PEX7: variants seen among roughly 807,000 people sequenced by gnomAD.
The protein encoded by PEX7 is peroxisomal biogenesis factor 7.
PEX7 carries 34 observed loss-of-function variants against 47.5 expected under a neutral mutation model. The ratio of observed to expected loss-of-function variants is 0.72; its 90% confidence interval spans 0.54 to 0.95. PEX7 has a LOEUF of 0.95. PEX7 is among the 40% of genes least tolerant of loss of function. PEX7 has a pLI of 0.00. For missense variants in PEX7, 394 were observed against 400.3 expected, an observed-to-expected ratio of 0.98 and a Z score of 0.13; for synonymous variants, 141 against 148.8, an observed-to-expected ratio of 0.95 and a Z score of 0.38.
At chr6:136,824,435 G>A (rs1228934059) in intron 1 of PEX7, among the ~76,000 whole-genome samples, 1 of 152,090 alleles carries the variant, frequency 6.6e-6, no homozygotes, top group Non-Finnish European at 1.5e-5. Context: ...GGAACTGGGT[G>A]CAAGCGATCT....
In PEX7 at chr6:136,847,194, A is replaced by AT. The variant is rs1204350994; in HGVS notation, c.526+1019dup. Among the ~76,000 whole-genome samples the AT allele has an allele frequency of 7.7e-5, 6 of 77,510 alleles. No individual in the cohort carries two copies. The South Asian group carries it at 1.7e-3, about 22-fold the overall frequency. The allele number at this position is 77,510 out of a possible 152,430, so 50.8% of individuals were successfully genotyped here. ...GCCCACTTTTTGATGGGGTTGTTTG[A>AT]TTTTTTCTTGTAAATTTGTTTTTAA... On this transcript the variant is annotated intron_variant, in intron 5 of 9. Coordinates refer to ENST00000318471, the MANE Select transcript of PEX7 (RefSeq NM_000288.4).
chr6:136,835,714 G>GA (rs1383753645), intron 3 of PEX7, among the ~76,000 whole-genome samples: 1 of 152,132 alleles, frequency 6.6e-6, no homozygotes, highest in Non-Finnish European at 1.5e-5. Flanking sequence ...CCTTGACTTG[G>GA]TAAGTGTTCA....
intron 3 of PEX7, among the ~76,000 whole-genome samples, chr6:136,832,845 TATTTGAG>T (rs1774319129): frequency 6.6e-6 from 1 of 152,240 alleles, no homozygotes; most frequent in Non-Finnish European, 1.5e-5. Flanking sequence ...TCGTCATCTC[TATTTGAG>T]ACCACCTCAG....
intron 5 of PEX7, among the ~76,000 whole-genome samples, chr6:136,853,177 G>T (rs1774792012): frequency 6.6e-6 from 1 of 152,216 alleles, no homozygotes; most frequent in African/African-American, 2.4e-5. Context: ...TTAACATATT[G>T]TTTATGGTTG....
chr6:136,882,521 C>A (rs1379468079), intron 8 of PEX7, among the ~76,000 whole-genome samples: 1 of 150,978 alleles, frequency 6.6e-6, no homozygotes, highest in Admixed American at 6.6e-5. Flanking sequence ...CTATTCCCTG[C>A]ACATTCAGCA....
intron 3 of PEX7, among the ~76,000 whole-genome samples, chr6:136,843,309 CAG>C (rs1562733646): frequency 6.6e-6 from 1 of 152,172 alleles, no homozygotes; most frequent in Non-Finnish European, 1.5e-5. Context: ...ATCTGACACT[CAG>C]AGTGTTCAAT....
chr6:136,866,741 G>A lies in PEX7; in HGVS notation c.633+8G>A, dbSNP rs2115216969. On this transcript the variant is annotated splice_region_variant and intron_variant, in intron 6 of 9. Coordinates refer to ENST00000318471, the MANE Select transcript of PEX7 (RefSeq NM_000288.4). ...TGGTGTAAATACAATGAGGTATAGT[G>A]TATGGCTCTATCCTATGCTGCTGTC... 1 of 1,598,132 alleles carries A rather than the reference G, an allele frequency of 6.3e-7. No individual in the cohort carries two copies. Among genetic ancestry groups the A allele is most frequent in the Non-Finnish European group, 8.6e-7 (1 of 1,165,540 alleles).
At chr6:136,850,889 AACT>A (rs1455337522) in intron 5 of PEX7, among the ~76,000 whole-genome samples, 6 of 148,132 alleles carry the variant, frequency 4.1e-5, no homozygotes, top group African/African-American at 1.5e-4. Flanking sequence ...CAAGTTGGCA[AACT>A]ACTGCCCTCA....
Position 136,846,055 on chromosome 6 carries a change from C to A in PEX7, c.418-18C>A, listed in dbSNP as rs747545013. The stretch of plus-strand genomic sequence containing the variant: ...TGAATTTATCCCTCAAGTAATTGAT[C>A]TATTCATTTATTTGTAGTGGGATCC... On this transcript the variant is annotated intron_variant, in intron 4 of 9. Transcript: ENST00000318471. 1 of 1,443,028 alleles carries A rather than the reference C, an allele frequency of 6.9e-7. No individual in the cohort carries two copies. The highest frequency in any genetic ancestry group is 9.8e-7 in the Non-Finnish European group (1 of 1,024,370). The allele number at this position is 1,443,028 out of a possible 1,614,324, so 89.4% of individuals were successfully genotyped here.
At chr6:136,905,427 A>G (rs1436446992) in intron 9 of PEX7, among the ~76,000 whole-genome samples, 1 of 151,796 alleles carries the variant, frequency 6.6e-6, no homozygotes, top group Non-Finnish European at 1.5e-5. Context: ...TCTTGCTTTT[A>G]GTTTCTCAGA....
intron 3 of PEX7, among the ~76,000 whole-genome samples, chr6:136,842,861 G>A (rs1774526528): frequency 6.6e-6 from 1 of 152,200 alleles, no homozygotes. Flanking sequence ...GGACTTATCA[G>A]GGGAGGCTTA....
intron 9 of PEX7, among the ~76,000 whole-genome samples, chr6:136,913,243 CTCAA>C (rs1267822240): frequency 6.6e-6 from 1 of 152,148 alleles, no homozygotes; most frequent in African/African-American, 2.4e-5. Flanking sequence ...TTGGAATATA[CTCAA>C]TCAATGGGAA....
intron 7 of PEX7, 122 bp from the exon 8 acceptor site, chr6:136,872,076 T>G: frequency 3.5e-6 from 3 of 860,046 alleles, no homozygotes; most frequent in Non-Finnish European, 5.4e-6. Flanking sequence ...AAAGCATAAT[T>G]TTAAGTGACA....
Position 136,913,570 on chromosome 6 carries a change from C to A in PEX7, c.*44C>A. The A allele has an allele frequency of 8.3e-7, 1 of 1,200,862 alleles. No individual in the cohort carries two copies. Among genetic ancestry groups the A allele is most frequent in the South Asian group, 1.2e-5 (1 of 82,848 alleles). 74.4% of individuals were successfully genotyped at this position (1,200,862 alleles called of 1,614,324 possible). On this transcript the variant is annotated 3_prime_UTR_variant, in exon 10 of 10. Coordinates refer to ENST00000318471, the MANE Select transcript of PEX7 (RefSeq NM_000288.4). ...GAAACAGAGGATGTTGGCTGAAGAA[C>A]TGCCTAACAGCAAATAAATTAACTA...
At chr6:136,837,609 C>T (rs1203053810) in intron 3 of PEX7, among the ~76,000 whole-genome samples, 1 of 152,084 alleles carries the variant, frequency 6.6e-6, no homozygotes, top group Non-Finnish European at 1.5e-5. Context: ...TTGCCACTAA[C>T]AGGAATAGTG....
At chr6:136,869,013 G>C (rs1009220102) in intron 6 of PEX7, among the ~76,000 whole-genome samples, 4 of 152,100 alleles carry the variant, frequency 2.6e-5, no homozygotes, top group Non-Finnish European at 5.9e-5. Flanking sequence ...CATAGCCTTT[G>C]CTTTTTCAGA....
At chr6:136,887,783 A>G (rs1318507579) in intron 8 of PEX7, among the ~76,000 whole-genome samples, 1 of 152,230 alleles carries the variant, frequency 6.6e-6, no homozygotes, top group East Asian at 1.9e-4. Context: ...ATAAGACCCT[A>G]AAATACCTTC....
intron 2 of PEX7, among the ~76,000 whole-genome samples, chr6:136,826,048 TA>T (rs1774183253): frequency 6.6e-6 from 1 of 152,094 alleles, no homozygotes; most frequent in South Asian, 2.1e-4. Context: ...AATTTAAACA[TA>T]AAAAAATGTG....
Position 136,913,594 on chromosome 6 carries a change from T to C in PEX7, c.*68T>C, listed in dbSNP as rs755481751. The stretch of plus-strand genomic sequence containing the variant: ...ACTGCCTAACAGCAAATAAATTAAC[T>C]ATGGAAAACATAGACATTATGCTTT... On this transcript the variant is annotated 3_prime_UTR_variant, in exon 10 of 10. Coordinates refer to ENST00000318471, the MANE Select transcript of PEX7 (RefSeq NM_000288.4). 106 of 993,474 alleles carry C rather than the reference T, an allele frequency of 1.1e-4. No individual in the cohort carries two copies. Among genetic ancestry groups the C allele is most frequent in the Non-Finnish European group, 1.5e-4 (95 of 616,240 alleles). 61.5% of individuals were successfully genotyped at this position (993,474 alleles called of 1,614,324 possible).
Sources: allele counts gnomAD v4.1 joint callset (sites outside exome capture counted in the v4.1 genomes callset), GRCh38; gene constraint gnomAD v4.1.1; transcripts MANE v1.5; gene names NCBI Gene and HGNC (gene_info 2026-07-23, HGNC 2026-07-21).